Variants in DNAH7 observed in about 807,000 individuals in gnomAD.
The protein encoded by DNAH7 is axonemal beta dynein heavy chain 7.
A neutral mutation model predicts 444.6 loss-of-function variants in DNAH7; 397 were observed. That is an observed-to-expected ratio of 0.89 (90% CI 0.82 to 0.97). DNAH7 has a LOEUF of 0.97. Among genes scored for constraint, DNAH7 ranks in the 50% least tolerant of loss-of-function variants. The probability of loss-of-function intolerance (pLI) is 0.00; values close to 1 mark genes in which losing one functional copy is unlikely to be tolerated. For missense variants in DNAH7, 4,902 were observed against 4,800.8 expected, an observed-to-expected ratio of 1.02 and a Z score of -0.62; for synonymous variants, 1,636 against 1,624.4, an observed-to-expected ratio of 1.01 and a Z score of -0.17.
chr2:195,890,268 A>G (rs537665867), intron 31 of DNAH7, among the ~76,000 whole-genome samples: 1 of 152,280 alleles, frequency 6.6e-6, no homozygotes. Context: ...TCATCTTGAG[A>G]TCAGCTTCCT....
chr2:196,053,400 A>C (rs1202741466), intron 2 of DNAH7, among the ~76,000 whole-genome samples: 1 of 152,238 alleles, frequency 6.6e-6, no homozygotes, highest in Non-Finnish European at 1.5e-5. Flanking sequence ...GCCCAAGCAT[A>C]ACTAGTAGAA....
In DNAH7 at chr2:195,941,417, T is replaced by G. The variant is rs189693852; in HGVS notation, c.3079-4625A>C. Reference sequence around the variant, plus strand: ...GGAGAGCATTAGGACAAACACCTAATGCATGCAGGGCTTAAAACCTAGAAC... The same window carrying G: ...GGAGAGCATTAGGACAAACACCTAAGGCATGCAGGGCTTAAAACCTAGAAC... On this transcript the variant is annotated intron_variant, in intron 19 of 64. Coordinates refer to ENST00000312428, the MANE Select transcript of DNAH7 (RefSeq NM_018897.3). 2.2e-5 allele frequency among the ~76,000 whole-genome samples: 3 copies of G among 139,156 alleles called. No individual in the cohort carries two copies. The East Asian group carries it at 6.2e-4, about 29-fold the overall frequency. The allele number at this position is 139,156 out of a possible 152,430, so 91.3% of individuals were successfully genotyped here.
chr2:195,750,196 A>C (rs1226918106), intron 63 of DNAH7, among the ~76,000 whole-genome samples: 1 of 152,090 alleles, frequency 6.6e-6, no homozygotes, highest in Non-Finnish European at 1.5e-5. Context: ...TTAATACTTC[A>C]CCTTCTTTTA....
chr2:196,013,678 T>C (rs749818782), intron 9 of DNAH7, among the ~76,000 whole-genome samples: 10 of 152,314 alleles, frequency 6.6e-5, no homozygotes, highest in Non-Finnish European at 8.8e-5. Flanking sequence ...GTACATGACA[T>C]TGATAATAAT....
At chr2:195,781,676 C>T (rs1254836498) in intron 58 of DNAH7, among the ~76,000 whole-genome samples, 2 of 151,964 alleles carry the variant, frequency 1.3e-5, no homozygotes, top group Admixed American at 6.6e-5. Context: ...GCAAAACACA[C>T]ACACACACAC....
intron 19 of DNAH7, among the ~76,000 whole-genome samples, chr2:195,939,901 T>C (rs1419526365): frequency 1.3e-5 from 2 of 152,184 alleles, no homozygotes; most frequent in Non-Finnish European, 2.9e-5. Flanking sequence ...AAAAATTCCA[T>C]GCTCATGGAT....
rs555222463 is a variant in DNAH7, at chr2:195,845,002, A to G, written c.8945T>C (p.Met2982Thr). Residue 2982 changes from methionine (M) to threonine (T), a missense_variant and splice_region_variant, in exon 47 of 65, where the codon ATG (methionine) becomes ACG (threonine). Transcript: ENST00000312428. Reference sequence around the variant, plus strand: ...TTTGTGAGAAAAATATTTTTCTTACATTATGATTATCCCATTATCAATGGA... The same window carrying G: ...TTTGTGAGAAAAATATTTTTCTTACGTTATGATTATCCCATTATCAATGGA... ...SFSIDNGIII[M>T]NARRWPLMID... is the part of the protein sequence containing the mutation. 1 of 1,611,830 alleles carries G rather than the reference A, an allele frequency of 6.2e-7. No individual in the cohort carries two copies. The highest frequency in any genetic ancestry group is 2.2e-5 in the East Asian group (1 of 44,762).
At chr2:195,808,517 A>G (rs2124851544) in intron 53 of DNAH7, among the ~76,000 whole-genome samples, 165 bp downstream of exon 53, 1 of 152,346 alleles carries the variant, frequency 6.6e-6, no homozygotes, top group Non-Finnish European at 1.5e-5. Context: ...TGGAAGTTCA[A>G]ACAGAACCAC....
intron 10 of DNAH7, 142 bp downstream of exon 10, chr2:196,012,635 TACAGACTAAG>T: frequency 1.2e-6 from 1 of 804,698 alleles, no homozygotes; most frequent in Non-Finnish European, 1.8e-6. Context: ...GGACAAATAT[TACAGACTAAG>T]ATAATTAAAG....
At chr2:195,740,910 T>C (rs1262009227) in intron 63 of DNAH7, 41 bp from the exon 64 acceptor site, 11 of 1,247,986 alleles carry the variant, frequency 8.8e-6, no homozygotes, top group Non-Finnish European at 8.7e-6. Context: ...ACTTGAAATA[T>C]GCATTTTGAT....
At chr2:196,027,828 A>T (rs1400167070) in intron 6 of DNAH7, 132 bp downstream of exon 6, 5 of 696,734 alleles carry the variant, frequency 7.2e-6, no homozygotes, top group Non-Finnish European at 8.9e-6. Context: ...GCCTTTTTAT[A>T]GAACTCTGTA....
Position 195,900,265 on chromosome 2 carries a change from A to T in DNAH7, c.4548+17T>A. 6.2e-7 allele frequency: 1 copy of T among 1,612,650 alleles called. No individual in the cohort carries two copies. The highest frequency in any genetic ancestry group is 1.3e-5 in the African/African-American group (1 of 75,014). On this transcript the variant is annotated intron_variant, in intron 28 of 64. Transcript: ENST00000312428. Reference sequence around the variant, plus strand: ...ACAAATAGGAAATTTACAAGTAAGAAATATTGTGTTCTCTACCTTCAGATT... The same window carrying T: ...ACAAATAGGAAATTTACAAGTAAGATATATTGTGTTCTCTACCTTCAGATT...
intron 10 of DNAH7, among the ~76,000 whole-genome samples, chr2:196,006,611 T>C (rs1330299691): frequency 6.6e-6 from 1 of 150,606 alleles, no homozygotes. Context: ...GTAAACTGTC[T>C]CTATTTGCAG....
At chr2:195,937,819 G>T (rs1023321827) in intron 19 of DNAH7, among the ~76,000 whole-genome samples, 1 of 151,938 alleles carries the variant, frequency 6.6e-6, no homozygotes, top group Non-Finnish European at 1.5e-5. Context: ...AAGCTTGAAG[G>T]TGTTGAAAAA....
At chr2:196,006,092 T>C (rs748176419) in intron 10 of DNAH7, among the ~76,000 whole-genome samples, 7 of 152,128 alleles carry the variant, frequency 4.6e-5, no homozygotes, top group Non-Finnish European at 8.8e-5. Context: ...GTCAGGAGGA[T>C]TGCTTGAGTC....
chr2:195,777,510 A>G (rs1695115633), intron 59 of DNAH7, among the ~76,000 whole-genome samples: 1 of 152,180 alleles, frequency 6.6e-6, no homozygotes, highest in African/African-American at 2.4e-5. Flanking sequence ...TTTCATTTTA[A>G]TTGGGGACAA....
At chr2:195,833,911 C>T (rs1698198514) in intron 48 of DNAH7, among the ~76,000 whole-genome samples, 1 of 152,104 alleles carries the variant, frequency 6.6e-6, no homozygotes, top group Non-Finnish European at 1.5e-5. Context: ...CCCGCCAGCA[C>T]ACCTGGCTAA....
chr2:195,865,710 C>A (rs73064309), intron 40 of DNAH7, among the ~76,000 whole-genome samples: 5,216 of 152,108 alleles, frequency 0.034, 276 homozygotes, highest in African/African-American at 0.12. Flanking sequence ...TGAATTGTGT[C>A]CCCCCAAAAT....
intron 55 of DNAH7, among the ~76,000 whole-genome samples, chr2:195,798,203 G>T (rs1696256642): frequency 6.6e-6 from 1 of 152,046 alleles, no homozygotes; most frequent in African/African-American, 2.4e-5. Context: ...CCTTTGAGGA[G>T]ATACTTAACC....
Sources: allele counts gnomAD v4.1 joint callset (sites outside exome capture counted in the v4.1 genomes callset), GRCh38; gene constraint gnomAD v4.1.1; transcripts MANE v1.5; gene names NCBI Gene and HGNC (gene_info 2026-07-23, HGNC 2026-07-21).